Variants in SMAD6 observed in about 807,000 individuals in gnomAD.
The protein encoded by SMAD6 is MAD homolog 6.
SMAD6 carries 103 observed loss-of-function variants against 39.4 expected under a neutral mutation model. The observed-to-expected ratio is 2.62, with a 90% CI of 2.23 to 3.08. The LOEUF (loss-of-function observed/expected upper bound fraction) is 3.08. SMAD6 is among the 30% of genes most tolerant of loss of function. SMAD6 has a pLI of 0.00. For synonymous variants in SMAD6, 445 were observed against 353.3 expected, an observed-to-expected ratio of 1.26 and a Z score of -2.91; for missense variants, 1,104 against 742.9, an observed-to-expected ratio of 1.49 and a Z score of -5.65.
chr15:66,760,160 A>G (rs921026072), intron 3 of SMAD6, among the ~76,000 whole-genome samples: 2 of 142,010 alleles, frequency 1.4e-5, no homozygotes, highest in African/African-American at 2.6e-5. Context: ...CCTTTTCTAG[A>G]TGGTTGTGAT....
At chr15:66,704,254 A>C (rs964972657) in intron 1 of SMAD6, 179 bp downstream of exon 1, 1 of 414,336 alleles carries the variant, frequency 2.4e-6, no homozygotes, top group Non-Finnish European at 4.2e-6. Context: ...GTGTCCCAGC[A>C]CACACATCAA....
intron 3 of SMAD6, among the ~76,000 whole-genome samples, chr15:66,733,093 T>G (rs1893658106): frequency 6.6e-6 from 1 of 152,194 alleles, no homozygotes; most frequent in Admixed American, 6.5e-5. Context: ...TGAATTAACT[T>G]TGTCTAAAAT....
chr15:66,735,151 G>C (rs1893691719), intron 3 of SMAD6, among the ~76,000 whole-genome samples: 1 of 152,196 alleles, frequency 6.6e-6, no homozygotes, highest in African/African-American at 2.4e-5. Context: ...CAGAGCTCTT[G>C]GTCCACACAA....
At chr15:66,715,761 ACTTAAAAAAAAAAAAAAAAAGAACGC>A (rs1216460011) in intron 2 of SMAD6, among the ~76,000 whole-genome samples, 3 of 144,394 alleles carry the variant, frequency 2.1e-5, no homozygotes, top group African/African-American at 7.8e-5. Context: ...ACTTAAAACT[ACTTAAAAAAAAAAAAAAAAAGAACGC>A]CTTAAAAAAA....
At chr15:66,754,544 A>G (rs934305523) in intron 3 of SMAD6, among the ~76,000 whole-genome samples, 1 of 151,900 alleles carries the variant, frequency 6.6e-6, no homozygotes, top group African/African-American at 2.4e-5. Context: ...GGTGGATAGG[A>G]TTCATTTATT....
At chr15:66,716,519 A>G (rs991297749) in intron 3 of SMAD6, 21 bp downstream of exon 3, 8 of 1,572,318 alleles carry the variant, frequency 5.1e-6, no homozygotes, top group African/African-American at 1.4e-5. Flanking sequence ...TTTCTTGTGC[A>G]TTGCTGTTGT....
At chr15:66,775,417 A>C (rs528458636) in intron 3 of SMAD6, among the ~76,000 whole-genome samples, 106 of 152,296 alleles carry the variant, frequency 7.0e-4, no homozygotes, top group Non-Finnish European at 1.4e-3. Context: ...TTGGGTGGTT[A>C]GGACTAGAGC....
chr15:66,752,316 G>A (rs1216818100), intron 3 of SMAD6, among the ~76,000 whole-genome samples: 1 of 152,274 alleles, frequency 6.6e-6, no homozygotes, highest in East Asian at 1.9e-4. Flanking sequence ...GAGAGCCCCG[G>A]GCTCATGCTC....
intron 1 of SMAD6, among the ~76,000 whole-genome samples, chr15:66,710,729 T>A (rs1893210367): frequency 6.6e-6 from 1 of 152,206 alleles, no homozygotes; most frequent in Admixed American, 6.5e-5. Flanking sequence ...AGCAAGAAGC[T>A]AAGGAATTCT....
intron 3 of SMAD6, among the ~76,000 whole-genome samples, chr15:66,738,902 T>C (rs1893763832): frequency 6.6e-6 from 1 of 152,066 alleles, no homozygotes; most frequent in Non-Finnish European, 1.5e-5. Context: ...CAGGCGTCCT[T>C]CTCTGGGTCC....
In SMAD6 at chr15:66,711,658, T is replaced by G; in HGVS notation, c.818-10T>G. On this transcript the variant is annotated splice_polypyrimidine_tract_variant and intron_variant, in intron 1 of 3. Transcript: ENST00000288840. Reference sequence around the variant, plus strand: ...ACCCTGGCAGTGACATGCTGTCTCCTGTCTTCCAGAATCTCCGCCACCTCC... The same window carrying G: ...ACCCTGGCAGTGACATGCTGTCTCCGGTCTTCCAGAATCTCCGCCACCTCC... The G allele has an allele frequency of 6.2e-7, 1 of 1,612,838 alleles. No homozygotes were observed. Among genetic ancestry groups the G allele is most frequent in the Non-Finnish European group, 8.5e-7 (1 of 1,178,826 alleles).
intron 3 of SMAD6, among the ~76,000 whole-genome samples, chr15:66,748,600 A>C (rs778067506): frequency 6.6e-6 from 1 of 152,238 alleles, no homozygotes; most frequent in Non-Finnish European, 1.5e-5. Context: ...ATTGAATTGC[A>C]TACTTTCATC....
At chr15:66,718,144 G>T (rs1416440861) in intron 3 of SMAD6, among the ~76,000 whole-genome samples, 10 of 151,610 alleles carry the variant, frequency 6.6e-5, no homozygotes, top group South Asian at 2.1e-4. Flanking sequence ...GTGTGTGTGT[G>T]TGTGTGTCTG....
rs577919559 is a variant in SMAD6 at position 66,744,699 on chromosome 15, T to C, written c.952+28201T>C. 4.7e-4 allele frequency among the ~76,000 whole-genome samples: 72 copies of C among 152,346 alleles called. 1 individual carries two copies. The highest frequency in any genetic ancestry group is 1.7e-3 in the African/African-American group (70 of 41,588). Reference sequence around the variant, plus strand: ...TACTTGGCCAAATGAACAAAGGCTCTGTGGGACCAATGAATCCAAGAACGT... The same window carrying C: ...TACTTGGCCAAATGAACAAAGGCTCCGTGGGACCAATGAATCCAAGAACGT... On this transcript the variant is annotated intron_variant, in intron 3 of 3. Coordinates refer to ENST00000288840, the MANE Select transcript of SMAD6 (RefSeq NM_005585.5).
chr15:66,712,723 G>A (rs2140598019), intron 2 of SMAD6, among the ~76,000 whole-genome samples: 1 of 149,920 alleles, frequency 6.7e-6, no homozygotes, highest in South Asian at 2.1e-4. Flanking sequence ...AGTAGAGGTT[G>A]TGGTTGGGAA....
At chr15:66,745,710 C>A (rs565785299) in intron 3 of SMAD6, among the ~76,000 whole-genome samples, 3 of 152,218 alleles carry the variant, frequency 2.0e-5, no homozygotes, top group Non-Finnish European at 2.9e-5. Context: ...CAGGCTCCCC[C>A]CCAAGCTCTG....
chr15:66,712,080 G>A (rs1479812772), intron 2 of SMAD6, among the ~76,000 whole-genome samples: 1 of 152,226 alleles, frequency 6.6e-6, no homozygotes, highest in Non-Finnish European at 1.5e-5. Flanking sequence ...GGGCCCCCCA[G>A]CCTTGGGTTA....
At chr15:66,771,357 T>C (rs1287676398) in intron 3 of SMAD6, among the ~76,000 whole-genome samples, 1 of 152,236 alleles carries the variant, frequency 6.6e-6, no homozygotes, top group Admixed American at 6.5e-5. Flanking sequence ...GTTTGAATAC[T>C]GCAAGAGATA....
chr15:66,775,724 ATGT>A (rs752959529), intron 3 of SMAD6, among the ~76,000 whole-genome samples: 4 of 152,066 alleles, frequency 2.6e-5, no homozygotes, highest in Non-Finnish European at 5.9e-5. Flanking sequence ...GTCATCTTTG[ATGT>A]TGTTCACTCG....
Sources: gnomAD v4.1 joint callset for allele counts (sites outside exome capture counted in the v4.1 genomes callset) on GRCh38, gnomAD v4.1.1 for gene constraint, MANE v1.5 for transcripts, NCBI Gene and HGNC (gene_info 2026-07-23, HGNC 2026-07-21) for gene names.